MED27: variants seen among roughly 807,000 people sequenced by gnomAD.
MED27 encodes mediator of RNA polymerase II transcription subunit 27.
Under a neutral mutation model 38.2 loss-of-function variants are expected in MED27, and 30 were observed. The observed-to-expected ratio is 0.79, with a 90% CI of 0.59 to 1.07. MED27 has a LOEUF of 1.07. MED27 is among the 50% of genes least tolerant of loss of function. MED27 has a pLI of 0.00. For missense variants in MED27, 289 were observed against 397.5 expected, an observed-to-expected ratio of 0.73 and a Z score of 2.32; for synonymous variants, 122 against 153.5, an observed-to-expected ratio of 0.79 and a Z score of 1.52.
chr9:132,077,317 CTA>C, intron 2 of MED27, 123 bp downstream of exon 2: 3 of 996,018 alleles, frequency 3.0e-6, no homozygotes, highest in East Asian at 2.4e-5. Context: ...ACTTCCAACT[CTA>C]TAACCCCATG....
intron 2 of MED27, among the ~76,000 whole-genome samples, chr9:132,049,987 T>G (rs575676764): frequency 6.6e-6 from 1 of 152,282 alleles, no homozygotes; most frequent in Non-Finnish European, 1.5e-5. Flanking sequence ...AAAGAGTCCT[T>G]GAGTTCAAGG....
chr9:131,865,502 T>C (rs1182802895), intron 6 of MED27, among the ~76,000 whole-genome samples: 1 of 152,210 alleles, frequency 6.6e-6, no homozygotes, highest in African/African-American at 2.4e-5. Flanking sequence ...ATACTTGCCA[T>C]TACAGAAGAA....
At chr9:131,945,816 AAGTT>A (rs970400749) in intron 3 of MED27, among the ~76,000 whole-genome samples, 1 of 150,718 alleles carries the variant, frequency 6.6e-6, no homozygotes, top group South Asian at 2.1e-4. Context: ...AAAAAAAAAA[AAGTT>A]AGCCGGGTGT....
chr9:131,933,260 G>C (rs953557617), intron 4 of MED27, among the ~76,000 whole-genome samples: 5 of 151,966 alleles, frequency 3.3e-5, no homozygotes, highest in African/African-American at 1.2e-4. Flanking sequence ...CCTAGCTAGA[G>C]CAATCAGACA....
intron 3 of MED27, among the ~76,000 whole-genome samples, chr9:131,941,302 G>T (rs1039391147): frequency 6.6e-6 from 1 of 152,100 alleles, no homozygotes; most frequent in African/African-American, 2.4e-5. Context: ...ATTCTCTTGG[G>T]GTAAGAGGGA....
At chr9:131,897,033 T>C (rs1179956839) in intron 4 of MED27, among the ~76,000 whole-genome samples, 1 of 152,272 alleles carries the variant, frequency 6.6e-6, no homozygotes, top group Non-Finnish European at 1.5e-5. Flanking sequence ...CCCAGTCATG[T>C]ATATTTTCAA....
intron 4 of MED27, among the ~76,000 whole-genome samples, chr9:131,926,153 T>C (rs1830479406): frequency 6.6e-6 from 1 of 152,192 alleles, no homozygotes; most frequent in Admixed American, 6.5e-5. Context: ...AAGTTGCTGG[T>C]CTCTTGTCCA....
chr9:131,916,584 G>A (rs1399181248), intron 4 of MED27, among the ~76,000 whole-genome samples: 3 of 152,100 alleles, frequency 2.0e-5, no homozygotes, highest in Admixed American at 6.5e-5. Context: ...CAAGGCTAAC[G>A]CTAATAATTT....
In MED27 at chr9:131,872,563, G is replaced by GT. The variant is rs1283762721; in HGVS notation, c.724-9424_724-9423insA. Reference sequence around the variant, plus strand: ...TGAAAGTGACAAAAAGGCAGACAGAGGGGAACCGTAAGGAGACCGGGGTTT... The same window carrying GT: ...TGAAAGTGACAAAAAGGCAGACAGAGTGGGAACCGTAAGGAGACCGGGGTTT... On this transcript the variant is annotated intron_variant, in intron 6 of 7. Transcript: ENST00000292035. The surrounding 1 kb of genome is among the most constrained non-coding windows in gnomAD (Gnocchi z 5.6). Among the ~76,000 whole-genome samples the GT allele has an allele frequency of 2.6e-5, 4 of 151,316 alleles. No homozygotes were observed. Among genetic ancestry groups the GT allele is most frequent in the Non-Finnish European group, 5.9e-5 (4 of 68,038 alleles).
intron 1 of MED27, 54 bp from the exon 2 acceptor site, chr9:132,077,640 T>G: frequency 6.3e-7 from 1 of 1,591,520 alleles, no homozygotes; most frequent in South Asian, 1.1e-5. Context: ...CACTCCAGGG[T>G]AAAGCCAGCC....
chr9:131,895,921 C>T lies in MED27; in HGVS notation c.574-1929G>A, dbSNP rs571219583. 3.6e-4 allele frequency among the ~76,000 whole-genome samples: 54 copies of T among 149,522 alleles called. 1 individual carries two copies. The South Asian group carries it at 7.7e-3, about 21-fold the overall frequency. On this transcript the variant is annotated intron_variant, in intron 4 of 7. Transcript: ENST00000292035. The stretch of plus-strand genomic sequence containing the variant: ...TTATAGTTGTTTTTTTTTTTTGAGG[C>T]GAAGTCTTGCTCTTTCACCCAGGCT...
chr9:131,991,976 C>A (rs1287172572), intron 3 of MED27, among the ~76,000 whole-genome samples: 1 of 152,188 alleles, frequency 6.6e-6, no homozygotes, highest in Admixed American at 6.5e-5. Flanking sequence ...CTGCCTCAGC[C>A]TCCCAAAGTG....
At chr9:132,022,368 G>A (rs1040277789) in intron 2 of MED27, among the ~76,000 whole-genome samples, 6 of 152,202 alleles carry the variant, frequency 3.9e-5, no homozygotes, top group Non-Finnish European at 7.3e-5. Context: ...AGGGAAGAAT[G>A]ACACATCTCA....
intron 5 of MED27, among the ~76,000 whole-genome samples, chr9:131,890,367 G>C (rs1184271693): frequency 1.3e-5 from 2 of 152,160 alleles, no homozygotes; most frequent in East Asian, 1.9e-4. Context: ...GGGACGCAAG[G>C]CTTCCTGTCC....
chr9:132,057,502 T>A (rs997487295), intron 2 of MED27, among the ~76,000 whole-genome samples: 10 of 152,224 alleles, frequency 6.6e-5, no homozygotes, highest in Non-Finnish European at 2.9e-5. Context: ...AGGCCACAGG[T>A]CACATGCATA....
intron 3 of MED27, among the ~76,000 whole-genome samples, chr9:131,993,497 C>T (rs923612981): frequency 1.3e-5 from 2 of 152,212 alleles, no homozygotes; most frequent in African/African-American, 4.8e-5. Context: ...GCAGAGTCAG[C>T]GTCAGCTGCA....
intron 2 of MED27, among the ~76,000 whole-genome samples, chr9:132,049,056 TG>T (rs1291509105): frequency 6.6e-6 from 1 of 152,212 alleles, no homozygotes; most frequent in Non-Finnish European, 1.5e-5. Context: ...TTAAGAGTAG[TG>T]GAGCAACCAA....
At chr9:132,064,713 A>T (rs2131155483) in intron 2 of MED27, among the ~76,000 whole-genome samples, 1 of 152,362 alleles carries the variant, frequency 6.6e-6, no homozygotes, top group East Asian at 1.9e-4. Flanking sequence ...ACCATACTAT[A>T]AAAACTGGGT....
intron 3 of MED27, among the ~76,000 whole-genome samples, chr9:131,956,076 A>T (rs999305255): frequency 1.3e-5 from 2 of 152,254 alleles, no homozygotes; most frequent in African/African-American, 4.8e-5. Context: ...TAACATTCAA[A>T]AATCAACCCA....
Sources: allele counts gnomAD v4.1 joint callset (sites outside exome capture counted in the v4.1 genomes callset), GRCh38; gene constraint gnomAD v4.1.1; non-coding constraint Gnocchi (gnomAD v3.1); transcripts MANE v1.5; gene names NCBI Gene and HGNC (gene_info 2026-07-23, HGNC 2026-07-21).